RPS6KA2: variants seen among roughly 807,000 people sequenced by gnomAD.
RPS6KA2 encodes the protein ribosomal protein S6 kinase alpha-2.
RPS6KA2 carries 42 observed loss-of-function variants against 91.8 expected under a neutral mutation model. The observed-to-expected ratio is 0.46, with a 90% CI of 0.36 to 0.59. The LOEUF (loss-of-function observed/expected upper bound fraction) is 0.59, where lower values mean the gene tolerates loss of function less well. RPS6KA2 is among the 20% of genes least tolerant of loss of function. The pLI is 0.00. For synonymous variants in RPS6KA2, 414 were observed against 393.6 expected (o/e 1.05, Z -0.61); for missense variants, 798 against 978.5 (o/e 0.82, Z 2.46).
intron 1 of RPS6KA2, among the ~76,000 whole-genome samples, chr6:166,620,203 A>G (rs1372521772): frequency 6.6e-6 from 1 of 152,170 alleles, no homozygotes; most frequent in East Asian, 1.9e-4. Context: ...TTATTTGTCA[A>G]TCTCATTCAA....
chr6:166,662,390 G>A lies in RPS6KA2; in HGVS notation c.124-123606C>T, dbSNP rs188058173. ...GGTAAGAGATGGGTTGGCGCAGGAG[G>A]TATGAAAACTTACTCCAAATTACAG... On this transcript the variant is annotated intron_variant, in intron 2 of 21. Coordinates refer to the RPS6KA2 transcript ENST00000503859. The surrounding 1 kb of genome is among the most constrained non-coding windows in gnomAD (Gnocchi z 4.3). Among the ~76,000 whole-genome samples the A allele has an allele frequency of 3.9e-5, 6 of 152,306 alleles. No homozygotes were observed.
intron 1 of RPS6KA2, among the ~76,000 whole-genome samples, chr6:166,548,792 T>G (rs958222611): frequency 4.6e-5 from 7 of 152,192 alleles, no homozygotes; most frequent in African/African-American, 1.4e-4. Context: ...TTCTTAGACA[T>G]GACACCCAAA....
chr6:166,600,021 G>C (rs1331175102), intron 1 of RPS6KA2, among the ~76,000 whole-genome samples: 1 of 152,130 alleles, frequency 6.6e-6, no homozygotes, highest in African/African-American at 2.4e-5. Flanking sequence ...TTGTTTGTTT[G>C]TTTTGAGACA....
Position 166,494,770 on chromosome 6 carries a change from G to A in RPS6KA2, c.747+3738C>T, listed in dbSNP as rs759138288. On this transcript the variant is annotated intron_variant, in intron 8 of 20. Coordinates refer to ENST00000265678, the MANE Select transcript of RPS6KA2 (RefSeq NM_021135.6). The surrounding 1 kb of genome is among the most constrained non-coding windows in gnomAD (Gnocchi z 5.1). ...AGGGCACTTGTGGATGCTGCTCCTC[G>A]GGAAGAGATCCCAGCACACATCCAC... Among the ~76,000 whole-genome samples the A allele has an allele frequency of 2.6e-5, 4 of 152,156 alleles. No homozygotes were observed. Among genetic ancestry groups the A allele is most frequent in the Non-Finnish European group, 5.9e-5 (4 of 68,016 alleles).
At chr6:166,729,924 T>A (rs1050424210) in intron 2 of RPS6KA2, among the ~76,000 whole-genome samples, 1 of 152,222 alleles carries the variant, frequency 6.6e-6, no homozygotes, top group East Asian at 1.9e-4. Context: ...CTAAATGGGC[T>A]TCCCATGAGG....
At chr6:166,438,252 G>A (rs575041232) in intron 14 of RPS6KA2, among the ~76,000 whole-genome samples, 46 of 152,278 alleles carry the variant, frequency 3.0e-4, no homozygotes, top group Middle Eastern at 3.4e-3. Context: ...TATTCATGCC[G>A]AACATCTGTC....
chr6:166,684,217 G>C (rs1012031654), intron 2 of RPS6KA2, among the ~76,000 whole-genome samples: 1 of 152,164 alleles, frequency 6.6e-6, no homozygotes, highest in Non-Finnish European at 1.5e-5. Context: ...GTACCCATCA[G>C]TGTGCCATGT....
intron 16 of RPS6KA2, among the ~76,000 whole-genome samples, chr6:166,427,001 A>AAG (rs1303965419): frequency 1.3e-5 from 2 of 151,548 alleles, no homozygotes; most frequent in African/African-American, 4.8e-5. Flanking sequence ...ACAACCAAAA[A>AAG]AGAGAATTTT....
intron 2 of RPS6KA2, among the ~76,000 whole-genome samples, chr6:166,745,342 G>C (rs1211752734): frequency 1.3e-5 from 2 of 152,002 alleles, no homozygotes; most frequent in Non-Finnish European, 2.9e-5. Flanking sequence ...AGTAGAAATG[G>C]GGTTTTACCA....
At chr6:166,837,865 T>C (rs1031554589) in intron 2 of RPS6KA2, among the ~76,000 whole-genome samples, 1 of 152,278 alleles carries the variant, frequency 6.6e-6, no homozygotes, top group African/African-American at 2.4e-5. Context: ...CTTGGTTGGT[T>C]GTTTGCTTTT....
At position 166,857,769 on chromosome 6, in the gene RPS6KA2, C is replaced by T. The variant is rs545253178; in HGVS notation, c.123+431G>A. On this transcript the variant is annotated intron_variant, in intron 2 of 21. Transcript: ENST00000503859. The stretch of plus-strand genomic sequence containing the variant: ...AAGGCAACTCCCCACGGATGGAATC[C>T]GCTCTTCTCCCCAGCTCTGCTGAGC... Among the ~76,000 whole-genome samples, 196 of 152,316 alleles carry T rather than the reference C, an allele frequency of 1.3e-3. 2 individuals are homozygous for T. Among genetic ancestry groups the T allele is most frequent in the African/African-American group, 4.3e-3 (180 of 41,558 alleles).
In RPS6KA2 at chr6:166,852,490, C is replaced by G. The variant is rs1217548564; in HGVS notation, c.123+5710G>C. On this transcript the variant is annotated intron_variant, in intron 2 of 21. Coordinates refer to the RPS6KA2 transcript ENST00000503859. The surrounding 1 kb of genome is among the most constrained non-coding windows in gnomAD (Gnocchi z 4.1). ...TGGATTGCAGAGACATGAGAGGCAA[C>G]GTGGCCGCACAGGCGGTTTAGCCTG... is the stretch of plus-strand genomic sequence containing the variant. Among the ~76,000 whole-genome samples, 1 of 152,270 alleles carries G rather than the reference C, an allele frequency of 6.6e-6. No homozygotes were observed. Among genetic ancestry groups the G allele is most frequent in the African/African-American group, 2.4e-5 (1 of 41,550 alleles).
intron 1 of RPS6KA2, among the ~76,000 whole-genome samples, chr6:166,550,817 A>G (rs940474224): frequency 1.2e-4 from 19 of 152,144 alleles, no homozygotes; most frequent in African/African-American, 3.9e-4. Flanking sequence ...CCTGGCTAAC[A>G]CGGTGAAACC....
chr6:166,431,484 A>G (rs1482507692), intron 15 of RPS6KA2, among the ~76,000 whole-genome samples: 2 of 152,248 alleles, frequency 1.3e-5, no homozygotes, highest in East Asian at 3.8e-4. Flanking sequence ...CAGAGAGGCT[A>G]GGCAGAGTCC....
chr6:166,578,954 CAG>C (rs1253754165), intron 1 of RPS6KA2, among the ~76,000 whole-genome samples: 3 of 152,196 alleles, frequency 2.0e-5, no homozygotes, highest in Non-Finnish European at 2.9e-5. Flanking sequence ...CAACTGCACT[CAG>C]AGAGACCAAA....
chr6:166,547,077 T>C (rs74836518), intron 1 of RPS6KA2, among the ~76,000 whole-genome samples: 3,346 of 152,156 alleles, frequency 0.022, 127 homozygotes, highest in Admixed American at 0.1. Flanking sequence ...GCCCTGCAAG[T>C]AGACAAAATT....
intron 3 of RPS6KA2, among the ~76,000 whole-genome samples, chr6:166,521,098 C>T (rs1404357098): frequency 6.6e-6 from 1 of 152,266 alleles, no homozygotes; most frequent in Non-Finnish European, 1.5e-5. Context: ...CCAGCAGTTG[C>T]CTTCTGGAGG....
intron 1 of RPS6KA2, among the ~76,000 whole-genome samples, chr6:166,575,869 T>C (rs1283615990): frequency 6.6e-6 from 1 of 152,190 alleles, no homozygotes; most frequent in Non-Finnish European, 1.5e-5. Flanking sequence ...AAGATGAGAA[T>C]GAATGACTTG....
At chr6:166,678,622 G>A (rs1583011283) in intron 2 of RPS6KA2, among the ~76,000 whole-genome samples, 1 of 152,272 alleles carries the variant, frequency 6.6e-6, no homozygotes, top group African/African-American at 2.4e-5. Flanking sequence ...AGTTCTCAAT[G>A]TTTGCTGTTC....
Sources: allele counts gnomAD v4.1 joint callset (sites outside exome capture counted in the v4.1 genomes callset), GRCh38; gene constraint gnomAD v4.1.1; non-coding constraint Gnocchi (gnomAD v3.1); transcripts MANE v1.5; gene names NCBI Gene and HGNC (gene_info 2026-07-23, HGNC 2026-07-21).